FAF1: variants seen among roughly 807,000 people sequenced by gnomAD.
FAF1 encodes the protein FAS-associated factor 1.
In FAF1, 25 loss-of-function variants were observed where a neutral mutation model predicts 92.5. The ratio of observed to expected loss-of-function variants is 0.27; its 90% CI spans 0.20 to 0.38. The LOEUF is 0.38. FAF1 is among the 10% of genes least tolerant of loss of function. The pLI is 1.00. For missense variants in FAF1, 636 were observed against 793.3 expected (o/e 0.80, Z 2.38); for synonymous variants, 234 against 273.2 (o/e 0.86, Z 1.42).
intron 8 of FAF1, among the ~76,000 whole-genome samples, chr1:50,646,737 A>T (rs548462853): frequency 9.9e-5 from 15 of 152,176 alleles, no homozygotes; most frequent in Non-Finnish European, 1.9e-4. Flanking sequence ...CACCAAACTC[A>T]TCAATCTCTG....
intron 7 of FAF1, among the ~76,000 whole-genome samples, chr1:50,701,224 T>G (rs1217697227): frequency 6.6e-6 from 1 of 152,120 alleles, no homozygotes; most frequent in East Asian, 1.9e-4. Context: ...TCATTCTAAT[T>G]GATCCAATAT....
chr1:50,610,876 T>A (rs1377843241), intron 8 of FAF1, among the ~76,000 whole-genome samples: 1 of 152,190 alleles, frequency 6.6e-6, no homozygotes, highest in African/African-American at 2.4e-5. Context: ...AAAAAAAGTT[T>A]CTAATTCAAC....
At chr1:50,536,198 A>C (rs181521090) in intron 14 of FAF1, among the ~76,000 whole-genome samples, 139 of 152,274 alleles carry the variant, frequency 9.1e-4, no homozygotes, top group Non-Finnish European at 1.3e-4. Context: ...GGTATTTTTA[A>C]TGTTTGATTT....
At chr1:50,603,541 T>A (rs1652244761) in intron 8 of FAF1, among the ~76,000 whole-genome samples, 1 of 152,144 alleles carries the variant, frequency 6.6e-6, no homozygotes. Flanking sequence ...CCGAACTGAG[T>A]CATGAGGCTA....
rs181822147 is a variant in FAF1 at position 50,710,004 on chromosome 1, G to A, written c.552-4113C>T. Among the ~76,000 whole-genome samples the A allele has an allele frequency of 2.7e-3, 412 of 152,276 alleles. 5 individuals carry two copies. Among genetic ancestry groups the A allele is most frequent in the Non-Finnish European group, 1.0e-3 (68 of 68,026 alleles). ...AAACGTGTTAGAAAGCAATGAGGAA[G>A]AAGTGTAAGGTGATGTGAAGAAAGG... On this transcript the variant is annotated intron_variant, in intron 6 of 18. Transcript: ENST00000396153.
intron 8 of FAF1, among the ~76,000 whole-genome samples, chr1:50,650,284 CAAAAAA>C (rs1213490969): frequency 2.4e-5 from 2 of 84,254 alleles, no homozygotes; most frequent in African/African-American, 4.5e-5. Context: ...AACTCTGTCT[CAAAAAA>C]AAAAAAAAAA....
At chr1:50,678,733 CTG>C (rs1194707932) in intron 7 of FAF1, among the ~76,000 whole-genome samples, 2 of 119,796 alleles carry the variant, frequency 1.7e-5, no homozygotes, top group African/African-American at 6.6e-5. Context: ...TGAACCGAGA[CTG>C]TGCCACTGCA....
intron 8 of FAF1, among the ~76,000 whole-genome samples, chr1:50,626,919 T>C (rs1028150216): frequency 6.6e-6 from 1 of 152,102 alleles, no homozygotes; most frequent in African/African-American, 2.4e-5. Flanking sequence ...ATGATTTACA[T>C]AAAGTCAGCA....
chr1:50,633,343 C>G (rs1459485773), intron 8 of FAF1, among the ~76,000 whole-genome samples: 2 of 152,168 alleles, frequency 1.3e-5, no homozygotes, highest in African/African-American at 4.8e-5. Flanking sequence ...TATCTTCTAA[C>G]CTGTCATAAT....
intron 8 of FAF1, among the ~76,000 whole-genome samples, chr1:50,620,793 C>A (rs899711352): frequency 6.6e-6 from 1 of 152,236 alleles, no homozygotes; most frequent in African/African-American, 2.4e-5. Flanking sequence ...AGGCAAATAT[C>A]CAGCCACATA....
At chr1:50,456,373 T>C (rs1646352874) in intron 18 of FAF1, among the ~76,000 whole-genome samples, 1 of 152,100 alleles carries the variant, frequency 6.6e-6, no homozygotes, top group African/African-American at 2.4e-5. Context: ...TTCTAGAAAC[T>C]CCATGCTCCT....
At chr1:50,738,441 C>A (rs1002025106) in intron 6 of FAF1, among the ~76,000 whole-genome samples, 1 of 102,504 alleles carries the variant, frequency 9.8e-6, no homozygotes, top group Non-Finnish European at 1.9e-5. Flanking sequence ...GAAACTCCGT[C>A]GCAAAAAAAA....
chr1:50,621,951 A>G (rs566156524), intron 8 of FAF1, among the ~76,000 whole-genome samples: 1 of 152,166 alleles, frequency 6.6e-6, no homozygotes, highest in South Asian at 2.1e-4. Context: ...GGATGGCCTG[A>G]GGTCGGAAGT....
chr1:50,701,098 G>T (rs1415842163), intron 7 of FAF1, among the ~76,000 whole-genome samples: 3 of 151,972 alleles, frequency 2.0e-5, no homozygotes, highest in Non-Finnish European at 2.9e-5. Flanking sequence ...GCTGAATAAA[G>T]GCTTGAATTC....
chr1:50,642,236 A>G (rs1370481833), intron 8 of FAF1, among the ~76,000 whole-genome samples: 4 of 150,692 alleles, frequency 2.7e-5, no homozygotes, highest in Non-Finnish European at 4.4e-5. Flanking sequence ...CTTGTTCTGT[A>G]TCTTTTCTGA....
intron 4 of FAF1, among the ~76,000 whole-genome samples, chr1:50,776,352 C>T (rs1660959352): frequency 6.6e-6 from 1 of 152,158 alleles, no homozygotes; most frequent in South Asian, 2.1e-4. Context: ...CTGCTTCTAG[C>T]TCTTCCAGTT....
chr1:50,732,059 CATT>C (rs972779942), intron 6 of FAF1, among the ~76,000 whole-genome samples: 2 of 151,594 alleles, frequency 1.3e-5, no homozygotes, highest in African/African-American at 4.8e-5. Context: ...TTGCTAAATA[CATT>C]ATTATTATTA....
chr1:50,788,092 T>C lies in FAF1; in HGVS notation c.275A>G (p.Gln92Arg). ...CATCCGAGGTTGCCTTTCTACAATCTGCCTGGATGGCATTACAGGTCGAAA... is the reference window on the plus strand; with the variant it reads ...CATCCGAGGTTGCCTTTCTACAATCCGCCTGGATGGCATTACAGGTCGAAA... ...SAFRPVMPSR[Q>R]IVERQPRMLD... Residue 92 changes from glutamine (Q) to arginine (R), a missense_variant, in exon 4 of 19, where the codon CAG becomes CGG. Gln to Arg is a conservative substitution (Grantham distance 43, BLOSUM62 1). Coordinates refer to ENST00000396153, the MANE Select transcript of FAF1 (RefSeq NM_007051.3). 4 of 1,614,158 alleles carry C rather than the reference T, an allele frequency of 2.5e-6. No individual in the cohort carries two copies. Among genetic ancestry groups the C allele is most frequent in the East Asian group, 2.2e-5 (1 of 44,880 alleles).
chr1:50,649,858 G>A (rs967206894), intron 8 of FAF1, among the ~76,000 whole-genome samples: 3 of 152,006 alleles, frequency 2.0e-5, no homozygotes, highest in South Asian at 2.1e-4. Context: ...CTAGCTACTC[G>A]GGAGGCTGAG....
Sources: allele counts gnomAD v4.1 joint callset (sites outside exome capture counted in the v4.1 genomes callset), GRCh38; gene constraint gnomAD v4.1.1; transcripts MANE v1.5; gene names NCBI Gene and HGNC (gene_info 2026-07-23, HGNC 2026-07-21).